RPAP2: variants seen among roughly 807,000 people sequenced by gnomAD.
RPAP2 encodes putative RNA polymerase II subunit B1 CTD phosphatase RPAP2.
In RPAP2, 52 loss-of-function variants were observed where a neutral mutation model predicts 73.1. That is an observed-to-expected ratio of 0.71 (90% CI 0.57 to 0.90). RPAP2 has a LOEUF of 0.90. RPAP2 is among the 40% of genes least tolerant of loss of function. The pLI, the probability that RPAP2 is intolerant of heterozygous loss-of-function variation, is 0.00. For synonymous variants in RPAP2, 225 were observed against 242.1 expected (o/e 0.93, Z 0.65); for missense variants, 598 against 701.8 (o/e 0.85, Z 1.67).
intron 6 of RPAP2, among the ~76,000 whole-genome samples, chr1:92,316,768 G>A (rs1262991391): frequency 1.3e-5 from 2 of 152,138 alleles, no homozygotes; most frequent in Non-Finnish European, 2.9e-5. Context: ...TTTCATCTAA[G>A]AAAGGACAGA....
intron 11 of RPAP2, among the ~76,000 whole-genome samples, chr1:92,369,977 A>C (rs557993554): frequency 7.5e-4 from 114 of 152,142 alleles, no homozygotes; most frequent in Non-Finnish European, 1.3e-3. Context: ...CCCCACCTCC[A>C]GGGTTCAAGT....
chr1:92,373,733 TAAAAATAAAAA>T lies in RPAP2; in HGVS notation c.1689-6985_1689-6975del, dbSNP rs1191783790. Reference sequence around the variant, plus strand: ...CAACATGGTGAAACCCCGTCTCTACTAAAAATAAAAAAAAAAAAAAAAAAAAAAAAAAAAAA... The same window carrying T: ...CAACATGGTGAAACCCCGTCTCTACTAAAAAAAAAAAAAAAAAAAAAAAAA... On this transcript the variant is annotated intron_variant, in intron 11 of 12. Transcript: ENST00000610020. Among the ~76,000 whole-genome samples the T allele has an allele frequency of 8.8e-4, 36 of 40,904 alleles. 2 individuals are homozygous for T. The highest frequency in any genetic ancestry group is 4.3e-3 in the South Asian group (4 of 940). 26.8% of individuals were successfully genotyped at this position (40,904 alleles called of 152,430 possible). A position where few individuals can be genotyped will look rare whatever the true frequency, so the allele number is the denominator to read the frequency against.
intron 6 of RPAP2, among the ~76,000 whole-genome samples, chr1:92,316,721 G>T (rs1340886221): frequency 6.6e-6 from 1 of 152,198 alleles, no homozygotes; most frequent in African/African-American, 2.4e-5. Flanking sequence ...AGCTGGAAGA[G>T]AAATGGCACT....
chr1:92,356,598 T>TG (rs2101365871), intron 11 of RPAP2, among the ~76,000 whole-genome samples: 1 of 150,468 alleles, frequency 6.6e-6, no homozygotes, highest in African/African-American at 2.4e-5. Flanking sequence ...TTTTTTTTTT[T>TG]TTTTTTCTGT....
intron 6 of RPAP2, among the ~76,000 whole-genome samples, chr1:92,311,261 T>C (rs1384183477): frequency 6.6e-6 from 1 of 152,212 alleles, no homozygotes; most frequent in Non-Finnish European, 1.5e-5. Flanking sequence ...ACTTCCGAGT[T>C]CCCTTTGGTT....
chr1:92,353,764 A>C (rs1011344169), intron 11 of RPAP2, among the ~76,000 whole-genome samples: 4 of 152,188 alleles, frequency 2.6e-5, no homozygotes, highest in African/African-American at 9.6e-5. Flanking sequence ...ATACGTTCCC[A>C]TACTTATTGC....
At chr1:92,320,681 A>G (rs749391915) in intron 7 of RPAP2, 47 bp downstream of exon 7, 8 of 1,495,388 alleles carry the variant, frequency 5.3e-6, no homozygotes, top group Non-Finnish European at 7.4e-6. Context: ...TTATGTTAAT[A>G]GAAACATTAG....
At chr1:92,328,838 C>G (rs983245800) in intron 8 of RPAP2, among the ~76,000 whole-genome samples, 16 of 152,210 alleles carry the variant, frequency 1.1e-4, no homozygotes, top group Non-Finnish European at 1.0e-4. Context: ...ACAGGGTGCT[C>G]CCTTGATTTG....
rs111975014 is a variant in RPAP2, at chr1:92,386,676, A to G, written c.*-335A>G. Among the ~76,000 whole-genome samples the G allele has an allele frequency of 3.0e-4, 46 of 152,196 alleles. 1 individual carries two copies. The highest frequency in any genetic ancestry group is 1.1e-3 in the African/African-American group (46 of 41,548). On this transcript the variant is annotated intron_variant, in intron 12 of 12. Coordinates refer to ENST00000610020, the MANE Select transcript of RPAP2 (RefSeq NM_024813.3). ...CAGTGTCTACAACAGCTAGTAAAAT[A>G]CTTTACATGTTTTTTTGTTGTTTTG...
At chr1:92,318,846 T>C (rs566065056) in intron 6 of RPAP2, among the ~76,000 whole-genome samples, 1 of 152,344 alleles carries the variant, frequency 6.6e-6, no homozygotes, top group South Asian at 2.1e-4. Context: ...GTGAGAGCCA[T>C]TTCAGGAGAG....
intron 12 of RPAP2, among the ~76,000 whole-genome samples, chr1:92,381,732 G>A (rs1655645843): frequency 1.3e-5 from 2 of 151,148 alleles, no homozygotes; most frequent in African/African-American, 4.9e-5. Flanking sequence ...TTTCCCACAA[G>A]CATACTTGAT....
chr1:92,312,169 T>G (rs943637898), intron 6 of RPAP2, among the ~76,000 whole-genome samples: 1 of 152,156 alleles, frequency 6.6e-6, no homozygotes, highest in African/African-American at 2.4e-5. Context: ...CCAGCATTGT[T>G]GCGGGGCAAG....
chr1:92,345,440 GGAGGGAGGGAGGGACA>G (rs1446893839), intron 10 of RPAP2, among the ~76,000 whole-genome samples: 74 of 149,550 alleles, frequency 4.9e-4, no homozygotes, highest in African/African-American at 9.8e-4. Context: ...AGGAAGGAAG[GGAGGGAGGGAGGGACA>G]GAGGGAGGGA....
At chr1:92,369,870 A>T (rs1416935422) in intron 11 of RPAP2, among the ~76,000 whole-genome samples, 1 of 152,098 alleles carries the variant, frequency 6.6e-6, no homozygotes, top group Non-Finnish European at 1.5e-5. Context: ...CCTGAAAGTA[A>T]ACATTTTTAT....
At chr1:92,384,207 C>T (rs1655768969) in intron 12 of RPAP2, among the ~76,000 whole-genome samples, 1 of 151,962 alleles carries the variant, frequency 6.6e-6, no homozygotes, top group African/African-American at 2.4e-5. Context: ...CTGCCTGCCT[C>T]AGCCTCCCAA....
chr1:92,325,228 C>T (rs1360894465), intron 8 of RPAP2, among the ~76,000 whole-genome samples: 3 of 151,960 alleles, frequency 2.0e-5, no homozygotes, highest in Non-Finnish European at 2.9e-5. Context: ...CTTGTTTTTA[C>T]CACAAAACTT....
chr1:92,398,880 C>T lies in RPAP2; in HGVS notation c.*11869C>T, dbSNP rs1656249024. 1 of 152,238 alleles carries T rather than the reference C, an allele frequency of 6.6e-6. No homozygotes were observed. The highest frequency in any genetic ancestry group is 6.5e-5 in the Admixed American group (1 of 15,284). The allele number at this position is 152,238 out of a possible 1,614,324, so 9.4% of individuals were successfully genotyped here. ...ATTGTTCCCCAATAAAGCTCATTTT[C>T]TGTGAGAATTCATGTGTCCTTTTCC... On this transcript the variant is annotated 3_prime_UTR_variant, in exon 13 of 13. Transcript: ENST00000610020.
rs1034440104 is a variant in RPAP2, at chr1:92,392,779, C to T, written c.*5768C>T. On this transcript the variant is annotated 3_prime_UTR_variant, in exon 13 of 13. Coordinates refer to ENST00000610020, the MANE Select transcript of RPAP2 (RefSeq NM_024813.3). ...CAAATCATGAGTGAACTCCCATTCACAATTGCTACTAAGAAAATAAAATAC... is the reference window on the plus strand; with the variant it reads ...CAAATCATGAGTGAACTCCCATTCATAATTGCTACTAAGAAAATAAAATAC... 9.2e-5 allele frequency: 14 copies of T among 151,856 alleles called. No homozygotes were observed. The highest frequency in any genetic ancestry group is 3.1e-4 in the African/African-American group (13 of 41,396). The allele number at this position is 151,856 out of a possible 1,614,324, so 9.4% of individuals were successfully genotyped here.
intron 8 of RPAP2, among the ~76,000 whole-genome samples, chr1:92,329,726 A>T (rs1652849994): frequency 6.6e-6 from 1 of 152,048 alleles, no homozygotes; most frequent in South Asian, 2.1e-4. Context: ...CCAACTTTGC[A>T]TTCTTATAAT....
Sources: allele counts gnomAD v4.1 joint callset (sites outside exome capture counted in the v4.1 genomes callset), GRCh38; gene constraint gnomAD v4.1.1; transcripts MANE v1.5; gene names NCBI Gene and HGNC (gene_info 2026-07-23, HGNC 2026-07-21).